PLBD1: variants seen among roughly 807,000 people sequenced by gnomAD.
PLBD1 encodes phospholipase B domain containing 1.
Under a neutral mutation model 63.0 loss-of-function variants are expected in PLBD1, and 60 were observed. The ratio of observed to expected loss-of-function variants is 0.95; its 90% CI spans 0.77 to 1.18. The LOEUF is 1.18. Ranked by LOEUF, PLBD1 falls within the 50% of genes most tolerant of loss-of-function variation. The pLI, the probability that PLBD1 is intolerant of heterozygous loss-of-function variation, is 0.00. For missense variants in PLBD1, 598 were observed against 677.9 expected (o/e 0.88, Z 1.31); for synonymous variants, 262 against 248.0 (o/e 1.06, Z -0.53).
At chr12:14,535,931 A>T in intron 5 of PLBD1, 128 bp from the exon 6 acceptor site, 4 of 915,136 alleles carry the variant, frequency 4.4e-6, no homozygotes, top group Non-Finnish European at 6.5e-6. Context: ...TGATTATTGG[A>T]AAATATGGCC....
At chr12:14,538,957 C>T (rs952743344) in intron 4 of PLBD1, among the ~76,000 whole-genome samples, 12 of 152,186 alleles carry the variant, frequency 7.9e-5, no homozygotes, top group Middle Eastern at 3.4e-3. Flanking sequence ...GTCCAGGAGG[C>T]GGAGGTTGCA....
chr12:14,559,109 T>A (rs11056026), intron 1 of PLBD1, among the ~76,000 whole-genome samples: 382 of 152,336 alleles, frequency 2.5e-3, no homozygotes, highest in African/African-American at 8.3e-3. Flanking sequence ...TTCCATTTTT[T>A]AAAAACATCT....
intron 1 of PLBD1, among the ~76,000 whole-genome samples, chr12:14,560,012 C>T (rs1354593288): frequency 2.0e-5 from 3 of 152,136 alleles, no homozygotes; most frequent in South Asian, 2.1e-4. Flanking sequence ...AGGCATGCGC[C>T]GCCACGCCTG....
intron 4 of PLBD1, among the ~76,000 whole-genome samples, chr12:14,540,047 T>TACACACAC (rs1383361315): frequency 1.7e-4 from 8 of 48,068 alleles, no homozygotes; most frequent in African/African-American, 4.2e-4. Flanking sequence ...TATATATATA[T>TACACACAC]ATATATACAC....
At chr12:14,537,464 T>TG (rs1945529755) in intron 4 of PLBD1, among the ~76,000 whole-genome samples, 1 of 152,220 alleles carries the variant, frequency 6.6e-6, no homozygotes, top group Non-Finnish European at 1.5e-5. Context: ...AAGTGTCCTC[T>TG]GGAGAGAAAA....
At chr12:14,536,539 G>A in intron 5 of PLBD1, 31 bp downstream of exon 5, 1 of 1,610,982 alleles carries the variant, frequency 6.2e-7, no homozygotes, top group Non-Finnish European at 8.5e-7. Flanking sequence ...GTATGAACCA[G>A]AACAAGGCAA....
At chr12:14,509,010 C>G (rs1014283168) in intron 8 of PLBD1, among the ~76,000 whole-genome samples, 1 of 151,504 alleles carries the variant, frequency 6.6e-6, no homozygotes, top group Non-Finnish European at 1.5e-5. Flanking sequence ...CCGACGCCCC[C>G]GCCTTTTTAA....
chr12:14,555,345 C>T (rs1381794527), intron 1 of PLBD1, among the ~76,000 whole-genome samples: 1 of 152,156 alleles, frequency 6.6e-6, no homozygotes, highest in Non-Finnish European at 1.5e-5. Flanking sequence ...CGCGACCAGC[C>T]TGGCCAACAT....
intron 1 of PLBD1, among the ~76,000 whole-genome samples, chr12:14,562,358 G>C (rs566925162): frequency 1.7e-4 from 26 of 151,338 alleles, no homozygotes; most frequent in African/African-American, 6.1e-4. Flanking sequence ...TACCTGGGAG[G>C]CTGAGGTAGG....
At chr12:14,522,027 A>T (rs768846819) in intron 6 of PLBD1, among the ~76,000 whole-genome samples, 7 of 152,072 alleles carry the variant, frequency 4.6e-5, no homozygotes, top group Non-Finnish European at 7.4e-5. Flanking sequence ...ACAGCAGACT[A>T]CACCAAGCAG....
chr12:14,511,423 G>C (rs191997589), intron 7 of PLBD1, 23 bp from the exon 8 acceptor site: 1 of 1,613,392 alleles, frequency 6.2e-7, no homozygotes, highest in East Asian at 2.2e-5. Context: ...GAAACATGAA[G>C]ACGGGGCATG....
intron 6 of PLBD1, chr12:14,533,122 A>G (rs1945479069): frequency 6.6e-6 from 1 of 152,268 alleles, no homozygotes. Flanking sequence ...CAAGGAAGCC[A>G]TCCAGCTTTG....
At chr12:14,550,105 C>T (rs1208516909) in intron 2 of PLBD1, among the ~76,000 whole-genome samples, 3 of 152,202 alleles carry the variant, frequency 2.0e-5, no homozygotes, top group South Asian at 4.1e-4. Flanking sequence ...CTATCAAGCA[C>T]CAAGCCTACA....
chr12:14,540,857 A>G lies in PLBD1; in HGVS notation c.465T>C (p.Thr155=), dbSNP rs779409531. The G allele has an allele frequency of 6.2e-7, 1 of 1,608,838 alleles. No individual in the cohort carries two copies. Among genetic ancestry groups the G allele is most frequent in the East Asian group, 2.2e-5 (1 of 44,768 alleles). The change falls in exon 4 of 11, where the codon ACT becomes ACC. Residue 155 remains threonine, a synonymous_variant. Transcript: ENST00000240617. ...AGCCTGTATGTCTCCAAAATGAATC[A>G]GTCTTGTATTCTTTGATATTTTTCC... ...WTRKNIKEYK[T]DSFWRHTGYV...
chr12:14,526,025 A>AT (rs1249945498), intron 6 of PLBD1, among the ~76,000 whole-genome samples: 1 of 152,144 alleles, frequency 6.6e-6, no homozygotes, highest in Non-Finnish European at 1.5e-5. Flanking sequence ...AATATAGAAT[A>AT]TTTTGTTATA....
chr12:14,559,448 C>T (rs1945730281), intron 1 of PLBD1, among the ~76,000 whole-genome samples: 1 of 152,120 alleles, frequency 6.6e-6, no homozygotes, highest in South Asian at 2.1e-4. Context: ...CCTACCTGAG[C>T]CTCCCAGAAA....
intron 10 of PLBD1, among the ~76,000 whole-genome samples, chr12:14,505,811 A>G (rs778280610): frequency 2.0e-5 from 3 of 152,256 alleles, no homozygotes; most frequent in Non-Finnish European, 2.9e-5. Context: ...CAACAATAAC[A>G]TCATTATGGT....
At chr12:14,503,997 C>T (rs74622439) in intron 10 of PLBD1, 43 bp from the exon 11 acceptor site, 3 of 1,546,338 alleles carry the variant, frequency 1.9e-6, no homozygotes, top group Non-Finnish European at 2.6e-6. Flanking sequence ...AATCATCGTT[C>T]AGCAAAAAAT....
At chr12:14,556,124 T>C (rs1242982915) in intron 1 of PLBD1, among the ~76,000 whole-genome samples, 1 of 152,216 alleles carries the variant, frequency 6.6e-6, no homozygotes, top group Non-Finnish European at 1.5e-5. Flanking sequence ...GAAGAATCTA[T>C]ACATTCAGGT....
Sources: gnomAD v4.1 joint callset for allele counts (sites outside exome capture counted in the v4.1 genomes callset) on GRCh38, gnomAD v4.1.1 for gene constraint, MANE v1.5 for transcripts, NCBI Gene and HGNC (gene_info 2026-07-23, HGNC 2026-07-21) for gene names.